Variants in TMEM132D observed in about 807,000 individuals in gnomAD.
TMEM132D encodes the protein mature OL transmembrane protein.
Under a neutral mutation model 62.3 loss-of-function variants are expected in TMEM132D, and 21 were observed. The observed-to-expected ratio is 0.34, with a 90% CI of 0.24 to 0.49. The LOEUF (loss-of-function observed/expected upper bound fraction) is 0.49, where lower values mean the gene tolerates loss of function less well. Ranked by LOEUF, TMEM132D falls within the 20% of genes least tolerant of loss-of-function variation. The pLI is 0.99. For synonymous variants in TMEM132D, 621 were observed against 575.6 expected, an observed-to-expected ratio of 1.08 and a Z score of -1.13; for missense variants, 1,346 against 1,402.8, an observed-to-expected ratio of 0.96 and a Z score of 0.65.
At chr12:129,298,946 C>G (rs1406840592) in intron 4 of TMEM132D, among the ~76,000 whole-genome samples, 1 of 152,182 alleles carries the variant, frequency 6.6e-6, no homozygotes, top group East Asian at 1.9e-4. Context: ...CGGTCACTGG[C>G]AAGGGCTTTT....
At chr12:129,409,003 G>T (rs1397480893) in intron 3 of TMEM132D, among the ~76,000 whole-genome samples, 1 of 151,978 alleles carries the variant, frequency 6.6e-6, no homozygotes, top group Admixed American at 6.6e-5. Flanking sequence ...TGTGATCTCG[G>T]CTCACTGCAA....
At chr12:129,775,701 G>C (rs1391350404) in intron 1 of TMEM132D, among the ~76,000 whole-genome samples, 2 of 152,198 alleles carry the variant, frequency 1.3e-5, no homozygotes, top group Admixed American at 1.3e-4. Context: ...GTTGCGATCT[G>C]TTAAAAGGGT....
Position 129,445,128 on chromosome 12 carries a change from C to T in TMEM132D, c.1115+85931G>A, listed in dbSNP as rs1873058962. The stretch of plus-strand genomic sequence containing the variant: ...GGATAAAGAAAATGTGGTATATAAA[C>T]ACCATGAAAGAACAATATCATGTCC... On this transcript the variant is annotated intron_variant, in intron 3 of 8. Transcript: ENST00000422113. 2.6e-5 allele frequency among the ~76,000 whole-genome samples: 4 copies of T among 152,236 alleles called. No homozygotes were observed. The South Asian group carries it at 8.3e-4, about 32-fold the overall frequency.
intron 2 of TMEM132D, among the ~76,000 whole-genome samples, chr12:129,560,710 A>C (rs1475326370): frequency 6.6e-6 from 1 of 152,212 alleles, no homozygotes; most frequent in East Asian, 1.9e-4. Flanking sequence ...CCTATAAAAC[A>C]AACAACAAAA....
intron 3 of TMEM132D, among the ~76,000 whole-genome samples, chr12:129,412,771 T>C (rs1018884400): frequency 2.0e-5 from 3 of 152,158 alleles, no homozygotes; most frequent in African/African-American, 7.2e-5. Context: ...GAGAATCACT[T>C]GAACCCTGGA....
intron 3 of TMEM132D, among the ~76,000 whole-genome samples, chr12:129,366,800 A>G (rs1870429241): frequency 6.6e-6 from 1 of 152,154 alleles, no homozygotes; most frequent in African/African-American, 2.4e-5. Flanking sequence ...AGAATCCTTC[A>G]GCAGAGAACA....
intron 3 of TMEM132D, among the ~76,000 whole-genome samples, chr12:129,487,270 G>A (rs1472858880): frequency 6.6e-6 from 1 of 152,226 alleles, no homozygotes; most frequent in Non-Finnish European, 1.5e-5. Flanking sequence ...TGCCGTCACA[G>A]AGGCAGGTGT....
At position 129,771,135 on chromosome 12, in the gene TMEM132D, A is replaced by G. The variant is rs186117013; in HGVS notation, c.80-70437T>C. ...TCCCCAAACAGCTCATGTCTGCAGAATGTGTGTACATGAAGCACGCTCACC... is the reference window on the plus strand; with the variant it reads ...TCCCCAAACAGCTCATGTCTGCAGAGTGTGTGTACATGAAGCACGCTCACC... On this transcript the variant is annotated intron_variant, in intron 1 of 8. Transcript: ENST00000422113. Among the ~76,000 whole-genome samples, 242 of 152,258 alleles carry G rather than the reference A, an allele frequency of 1.6e-3. 2 individuals carry two copies. Among genetic ancestry groups the G allele is most frequent in the Non-Finnish European group, 1.7e-3 (119 of 68,008 alleles).
At chr12:129,239,022 C>CTATCCCAG (rs1879862996) in intron 4 of TMEM132D, among the ~76,000 whole-genome samples, 1 of 128,560 alleles carries the variant, frequency 7.8e-6, no homozygotes. Context: ...TGGACAGTAA[C>CTATCCCAG]TATCCCAGTG....
chr12:129,198,187 G>A (rs892315511), intron 5 of TMEM132D, among the ~76,000 whole-genome samples: 13 of 152,198 alleles, frequency 8.5e-5, no homozygotes, highest in Middle Eastern at 3.4e-3. Flanking sequence ...GCAAGTGTAG[G>A]CAAGGATGTA....
rs1871038366 is a variant in TMEM132D at position 129,779,115 on chromosome 12, G to A, written c.80-78417C>T. On this transcript the variant is annotated intron_variant, in intron 1 of 8. Coordinates refer to ENST00000422113, the MANE Select transcript of TMEM132D (RefSeq NM_133448.3). This position sits in a 1 kb window ranked among gnomAD's most constrained non-coding sequence, Gnocchi z 4.1. Reference sequence around the variant, plus strand: ...ACCATTCTCATACAACGAGGCGACTGCAACAGCTCCAGGCATCACATTCCA... The same window carrying A: ...ACCATTCTCATACAACGAGGCGACTACAACAGCTCCAGGCATCACATTCCA... 6.6e-6 allele frequency among the ~76,000 whole-genome samples: 1 copy of A among 152,162 alleles called. No individual in the cohort carries two copies. Among genetic ancestry groups the A allele is most frequent in the African/African-American group, 2.4e-5 (1 of 41,438 alleles).
chr12:129,288,022 T>A (rs1881352013), intron 4 of TMEM132D, among the ~76,000 whole-genome samples: 1 of 152,246 alleles, frequency 6.6e-6, no homozygotes, highest in South Asian at 2.1e-4. Flanking sequence ...TTGTTTTGAC[T>A]ATTTGGTGTC....
intron 3 of TMEM132D, among the ~76,000 whole-genome samples, chr12:129,402,003 C>T (rs765933261): frequency 2.4e-4 from 36 of 152,306 alleles, no homozygotes; most frequent in Non-Finnish European, 4.6e-4. Context: ...GAGGGTGGCA[C>T]GTTCTCAGTG....
At chr12:129,092,925 ACT>A (rs1051358859) in intron 5 of TMEM132D, among the ~76,000 whole-genome samples, 5 of 152,154 alleles carry the variant, frequency 3.3e-5, no homozygotes, top group Non-Finnish European at 5.9e-5. Flanking sequence ...TCAGAGAAGA[ACT>A]TTAGCTCATT....
At chr12:129,385,504 CA>C (rs1871085467) in intron 3 of TMEM132D, among the ~76,000 whole-genome samples, 1 of 152,128 alleles carries the variant, frequency 6.6e-6, no homozygotes, top group African/African-American at 2.4e-5. Context: ...TGAAAATAAA[CA>C]GACTGTTCAT....
At chr12:129,703,729 G>A (rs1240468216) in intron 1 of TMEM132D, among the ~76,000 whole-genome samples, 1 of 152,096 alleles carries the variant, frequency 6.6e-6, no homozygotes, top group Non-Finnish European at 1.5e-5. Flanking sequence ...TTGAAGGAGA[G>A]TGACATGTTC....
At chr12:129,544,386 G>A (rs1374443217) in intron 2 of TMEM132D, among the ~76,000 whole-genome samples, 4 of 152,124 alleles carry the variant, frequency 2.6e-5, no homozygotes, top group South Asian at 2.1e-4. Context: ...TTTCCTGTAT[G>A]GTTTTTAAAA....
intron 2 of TMEM132D, among the ~76,000 whole-genome samples, chr12:129,642,948 G>C (rs578088202): frequency 8.1e-6 from 1 of 123,442 alleles, no homozygotes; most frequent in Non-Finnish European, 1.7e-5. Context: ...TTTTGAGACG[G>C]AGTTTCACTC....
chr12:129,735,300 C>A (rs1025918732), intron 1 of TMEM132D, among the ~76,000 whole-genome samples: 46 of 152,170 alleles, frequency 3.0e-4, no homozygotes, highest in Non-Finnish European at 6.3e-4. Flanking sequence ...CCCTATCACA[C>A]CACCTGGCAT....
Sources: gnomAD v4.1 joint callset for allele counts (sites outside exome capture counted in the v4.1 genomes callset) on GRCh38, gnomAD v4.1.1 for gene constraint, Gnocchi (gnomAD v3.1) non-coding constraint, MANE v1.5 for transcripts, NCBI Gene and HGNC (gene_info 2026-07-23, HGNC 2026-07-21) for gene names.